Variants in UNC5D observed in about 807,000 individuals in gnomAD.
The protein encoded by UNC5D is netrin receptor UNC5D.
In UNC5D, 39 loss-of-function variants were observed where a neutral mutation model predicts 105.4. The observed-to-expected ratio is 0.37, with a 90% CI of 0.29 to 0.48. The LOEUF is 0.48. Ranked by LOEUF, UNC5D falls within the 20% of genes least tolerant of loss-of-function variation. UNC5D has a pLI of 0.98. For synonymous variants in UNC5D, 452 were observed against 450.4 expected (o/e 1.00, Z -0.04); for missense variants, 991 against 1,202.4 (o/e 0.82, Z 2.60).
chr8:35,286,697 G>A (rs1006167348), intron 1 of UNC5D, among the ~76,000 whole-genome samples: 3 of 152,194 alleles, frequency 2.0e-5, no homozygotes, highest in African/African-American at 7.2e-5. Context: ...GATTACCCAT[G>A]GAAAGAGCAT....
chr8:35,652,107 G>A (rs1035921209), intron 4 of UNC5D, among the ~76,000 whole-genome samples: 27 of 152,136 alleles, frequency 1.8e-4, no homozygotes, highest in Admixed American at 5.9e-4. Flanking sequence ...ATATATGAGC[G>A]CTCACCAGCT....
intron 3 of UNC5D, among the ~76,000 whole-genome samples, chr8:35,588,496 TA>T (rs1242983691): frequency 2.0e-5 from 3 of 152,294 alleles, no homozygotes; most frequent in Admixed American, 2.0e-4. Context: ...TCACTAGATT[TA>T]TGTGGGCCCC....
At chr8:35,416,050 C>A (rs1482220189) in intron 1 of UNC5D, among the ~76,000 whole-genome samples, 1 of 152,046 alleles carries the variant, frequency 6.6e-6, no homozygotes, top group African/African-American at 2.4e-5. Flanking sequence ...TAATTTGATT[C>A]TTGGAACACA....
chr8:35,553,416 T>A (rs952450725), intron 2 of UNC5D, among the ~76,000 whole-genome samples: 1 of 152,010 alleles, frequency 6.6e-6, no homozygotes, highest in Non-Finnish European at 1.5e-5. Flanking sequence ...AAACAAAAAA[T>A]TCATAAATGA....
In UNC5D at chr8:35,246,457, T is replaced by C. The variant is rs190952224; in HGVS notation, c.103+10570T>C. On this transcript the variant is annotated intron_variant, in intron 1 of 16. Transcript: ENST00000404895. ...AAATCAGTGGCTGTAGGTTAATGCA[T>C]ACATGTATAACTAATGCAGAAGTGG... is the stretch of plus-strand genomic sequence containing the variant. Among the ~76,000 whole-genome samples, 186 of 152,270 alleles carry C rather than the reference T, an allele frequency of 1.2e-3. 3 individuals are homozygous for C. The East Asian group carries it at 0.034, about 28-fold the overall frequency.
chr8:35,613,427 G>A (rs1820823839), intron 4 of UNC5D, among the ~76,000 whole-genome samples: 1 of 152,196 alleles, frequency 6.6e-6, no homozygotes, highest in Admixed American at 6.5e-5. Flanking sequence ...TCCCCATGGT[G>A]TGTTTCAACA....
chr8:35,401,444 A>G (rs983080202), intron 1 of UNC5D, among the ~76,000 whole-genome samples: 3 of 152,232 alleles, frequency 2.0e-5, no homozygotes, highest in African/African-American at 7.2e-5. Context: ...AGATCCGGCC[A>G]CTGCACTCCA....
intron 4 of UNC5D, among the ~76,000 whole-genome samples, chr8:35,672,907 A>G (rs1044187102): frequency 6.6e-5 from 10 of 152,224 alleles, no homozygotes; most frequent in Non-Finnish European, 7.3e-5. Flanking sequence ...GGACAACACT[A>G]TCTGACAAGA....
At chr8:35,366,393 CTTAT>C (rs1299123558) in intron 1 of UNC5D, among the ~76,000 whole-genome samples, 5 of 152,082 alleles carry the variant, frequency 3.3e-5, no homozygotes, top group African/African-American at 1.2e-4. Context: ...CATAAGCCAC[CTTAT>C]TTTGGCTAAT....
chr8:35,409,847 T>C (rs1805043375), intron 1 of UNC5D, among the ~76,000 whole-genome samples: 1 of 152,056 alleles, frequency 6.6e-6, no homozygotes, highest in Admixed American at 6.6e-5. Context: ...AAAGAAATAT[T>C]ATAGATTTAC....
chr8:35,237,664 A>T (rs1802556914), intron 1 of UNC5D, among the ~76,000 whole-genome samples: 1 of 152,210 alleles, frequency 6.6e-6, no homozygotes, highest in Non-Finnish European at 1.5e-5. Flanking sequence ...TACATTCTGC[A>T]GGCTTATTTA....
intron 1 of UNC5D, among the ~76,000 whole-genome samples, chr8:35,427,413 T>A (rs1485636611): frequency 6.6e-6 from 1 of 152,170 alleles, no homozygotes; most frequent in East Asian, 1.9e-4. Context: ...GTCCCGAGAT[T>A]TTCAGACTGC....
At chr8:35,739,569 C>T (rs1829655248) in intron 11 of UNC5D, among the ~76,000 whole-genome samples, 1 of 152,016 alleles carries the variant, frequency 6.6e-6, no homozygotes, top group Non-Finnish European at 1.5e-5. Flanking sequence ...TTAAAGATGC[C>T]ATTGACAAGA....
chr8:35,653,323 A>G (rs74371812), intron 4 of UNC5D, among the ~76,000 whole-genome samples: 1 of 152,126 alleles, frequency 6.6e-6, no homozygotes, highest in Admixed American at 6.6e-5. Context: ...CTATTTTTCA[A>G]TGATACTTTT....
At chr8:35,498,004 G>T (rs1490975682) in intron 1 of UNC5D, among the ~76,000 whole-genome samples, 1 of 150,026 alleles carries the variant, frequency 6.7e-6, no homozygotes, top group Non-Finnish European at 1.5e-5. Flanking sequence ...AGGAGGCAGA[G>T]GTTGCAGTGG....
chr8:35,335,093 T>C (rs1011932044), intron 1 of UNC5D, among the ~76,000 whole-genome samples: 2 of 152,352 alleles, frequency 1.3e-5, no homozygotes, highest in East Asian at 3.9e-4. Flanking sequence ...TTGAGGTTCT[T>C]CTATGCTGTG....
In UNC5D at chr8:35,554,312, T is replaced by G. The variant is rs1235328035; in HGVS notation, c.322+4802T>G. 3.3e-5 allele frequency among the ~76,000 whole-genome samples: 5 copies of G among 152,232 alleles called. 1 individual carries two copies. In the South Asian group the frequency reaches 6.2e-4, roughly 19 times the overall value. On this transcript the variant is annotated intron_variant, in intron 2 of 16. Transcript: ENST00000404895. The stretch of plus-strand genomic sequence containing the variant: ...AGTTCTTTCCTGCAAAAAGTACAAT[T>G]TATTTGACATGAGTTACTGTGTTTG...
chr8:35,248,984 TAATA>T (rs1803464629), intron 1 of UNC5D, among the ~76,000 whole-genome samples: 1 of 81,290 alleles, frequency 1.2e-5, no homozygotes, highest in Non-Finnish European at 2.2e-5. Context: ...TATTTTTATA[TAATA>T]TATTATATAT....
chr8:35,473,114 C>T (rs1432853335), intron 1 of UNC5D, among the ~76,000 whole-genome samples: 2 of 152,130 alleles, frequency 1.3e-5, no homozygotes, highest in Admixed American at 6.6e-5. Context: ...TTCCAAGAAG[C>T]AAATGAGCCA....
Sources: allele counts gnomAD v4.1 joint callset (sites outside exome capture counted in the v4.1 genomes callset), GRCh38; gene constraint gnomAD v4.1.1; transcripts MANE v1.5; gene names NCBI Gene and HGNC (gene_info 2026-07-23, HGNC 2026-07-21).